Variants in UGT1A8 observed in about 807,000 individuals in gnomAD.
UGT1A8 encodes the protein UDP-glucuronosyltransferase 1A8.
Under a neutral mutation model 45.3 loss-of-function variants are expected in UGT1A8, and 39 were observed. The ratio of observed to expected loss-of-function variants is 0.86; its 90% CI spans 0.67 to 1.12. The LOEUF (loss-of-function observed/expected upper bound fraction) is 1.12. Ranked by LOEUF, UGT1A8 falls within the 50% of genes most tolerant of loss-of-function variation. The pLI, the probability that UGT1A8 is intolerant of heterozygous loss-of-function variation, is 0.00. For synonymous variants in UGT1A8, 275 were observed against 249.2 expected (o/e 1.10, Z -0.97); for missense variants, 719 against 664.9 (o/e 1.08, Z -0.90).
rs201696304 is a variant in UGT1A8, at chr2:233,618,183, A to G, written c.476A>G (p.Lys159Arg). The G allele has an allele frequency of 5.6e-6, 9 of 1,613,994 alleles. No homozygotes were observed. The East Asian group carries it at 6.7e-5, about 12-fold the overall frequency. ...GATGCCTGTGGCTTAATTGTTGCCA[A>G]ATATTTCTCCCTCCCCTCTGTGGTC... ...PFDACGLIVA[K>R]YFSLPSVVFA... The change falls in exon 1 of 5, where the codon AAA becomes AGA. Residue 159 changes from lysine to arginine, a missense_variant. Physicochemically the swap from Lys to Arg is conservative, Grantham distance 26 (BLOSUM62 2). Coordinates refer to ENST00000373450, the MANE Select transcript of UGT1A8 (RefSeq NM_019076.5).
At chr2:233,702,197 A>T (rs187320668) in intron 1 of UGT1A8, among the ~76,000 whole-genome samples, 21 of 152,306 alleles carry the variant, frequency 1.4e-4, no homozygotes, top group Admixed American at 4.6e-4. Flanking sequence ...AGCCCCTGGC[A>T]GCCATTAATC....
intron 1 of UGT1A8, among the ~76,000 whole-genome samples, chr2:233,651,799 G>A (rs1050125473): frequency 5.3e-5 from 8 of 152,182 alleles, no homozygotes; most frequent in South Asian, 2.1e-4. Flanking sequence ...GTGTCCACGC[G>A]TGTTTGTGTG....
chr2:233,618,624 C>G, intron 1 of UGT1A8, 62 bp downstream of exon 1: 1 of 1,539,066 alleles, frequency 6.5e-7, no homozygotes, highest in Non-Finnish European at 8.7e-7. Context: ...AAAAAAGATT[C>G]CTTACTGAAT....
At chr2:233,678,575 C>T (rs2074421993) in intron 1 of UGT1A8, among the ~76,000 whole-genome samples, 1 of 152,154 alleles carries the variant, frequency 6.6e-6, no homozygotes, top group Non-Finnish European at 1.5e-5. Context: ...AATCCTTCTT[C>T]CCCATTTGCT....
intron 1 of UGT1A8, among the ~76,000 whole-genome samples, chr2:233,744,344 C>A (rs1692781957): frequency 6.6e-6 from 1 of 151,846 alleles, no homozygotes; most frequent in African/African-American, 2.4e-5. Flanking sequence ...CTGACTGGGG[C>A]TGAAGACATC....
intron 1 of UGT1A8, chr2:233,754,742 G>A: frequency 1.4e-6 from 1 of 717,428 alleles, no homozygotes; most frequent in Non-Finnish European, 2.2e-6. Context: ...CGTAGGACAT[G>A]CAGAAGGAAG....
At position 233,764,014 on chromosome 2, in the gene UGT1A8, A is replaced by G. The variant is rs28900399; in HGVS notation, c.856-3020A>G. On this transcript the variant is annotated intron_variant, in intron 1 of 4. Transcript: ENST00000373450. ...GATGGTGAAGTCACAGATGACCCACATGGTGTCTAAGTGCTAAAGAAGAAT... is the reference window on the plus strand; with the variant it reads ...GATGGTGAAGTCACAGATGACCCACGTGGTGTCTAAGTGCTAAAGAAGAAT... Among the ~76,000 whole-genome samples the G allele has an allele frequency of 9.6e-3, 1,456 of 152,328 alleles. 29 individuals are homozygous for G. The highest frequency in any genetic ancestry group is 0.033 in the African/African-American group (1,365 of 41,562).
At chr2:233,640,980 C>G (rs912360814) in intron 1 of UGT1A8, among the ~76,000 whole-genome samples, 11 of 152,204 alleles carry the variant, frequency 7.2e-5, no homozygotes, top group African/African-American at 2.4e-4. Context: ...AGCCCTCCTG[C>G]AAAAATAACA....
intron 1 of UGT1A8, among the ~76,000 whole-genome samples, chr2:233,735,497 T>A (rs1029127614): frequency 3.9e-5 from 6 of 152,204 alleles, no homozygotes; most frequent in African/African-American, 1.4e-4. Flanking sequence ...ATTGCAGCAT[T>A]TAGCCCATTT....
intron 1 of UGT1A8, among the ~76,000 whole-genome samples, chr2:233,657,839 A>G (rs1199463773): frequency 1.3e-5 from 2 of 152,126 alleles, no homozygotes; most frequent in Non-Finnish European, 2.9e-5. Flanking sequence ...TTTTTAAGAA[A>G]TTGGGTTTTC....
At chr2:233,726,418 C>G (rs1368696095) in intron 1 of UGT1A8, among the ~76,000 whole-genome samples, 1 of 152,176 alleles carries the variant, frequency 6.6e-6, no homozygotes, top group African/African-American at 2.4e-5. Flanking sequence ...CATTCTGATT[C>G]TGTCCACTCT....
At chr2:233,647,880 T>C (rs1329467285) in intron 1 of UGT1A8, 4 of 1,465,596 alleles carry the variant, frequency 2.7e-6, no homozygotes, top group African/African-American at 2.8e-5. Context: ...TCCTATTTCA[T>C]TGATTTCTAC....
At chr2:233,767,405 A>G (rs1699388437) in intron 2 of UGT1A8, among the ~76,000 whole-genome samples, 1 of 152,206 alleles carries the variant, frequency 6.6e-6, no homozygotes, top group Admixed American at 6.5e-5. Flanking sequence ...ATTTTCTCTA[A>G]GAGACTCAAA....
intron 1 of UGT1A8, among the ~76,000 whole-genome samples, chr2:233,678,189 A>T (rs918890565): frequency 6.6e-6 from 1 of 152,206 alleles, no homozygotes; most frequent in African/African-American, 2.4e-5. Context: ...AGGCTGCAAG[A>T]GTTGAAAAAC....
chr2:233,744,059 G>A (rs1241791762), intron 1 of UGT1A8: 4 of 568,466 alleles, frequency 7.0e-6, no homozygotes, highest in Non-Finnish European at 1.1e-5. Context: ...ATTGGTCGAG[G>A]CCTATGAGCG....
At chr2:233,662,470 A>G (rs796684797) in intron 1 of UGT1A8, among the ~76,000 whole-genome samples, 3 of 152,334 alleles carry the variant, frequency 2.0e-5, no homozygotes, top group African/African-American at 7.2e-5. Flanking sequence ...TATAAATGAA[A>G]TTAACTTTTA....
At chr2:233,663,915 A>G (rs2074025044) in intron 1 of UGT1A8, among the ~76,000 whole-genome samples, 1 of 152,218 alleles carries the variant, frequency 6.6e-6, no homozygotes, top group African/African-American at 2.4e-5. Flanking sequence ...TACAAGTAGA[A>G]TGATATAACT....
At chr2:233,731,204 C>G (rs755932690) in intron 1 of UGT1A8, among the ~76,000 whole-genome samples, 2 of 151,184 alleles carry the variant, frequency 1.3e-5, no homozygotes, top group Non-Finnish European at 2.9e-5. Context: ...TTATAAAATA[C>G]GTGTTTATTT....
chr2:233,751,261 C>T (rs1694682107), intron 1 of UGT1A8, among the ~76,000 whole-genome samples: 1 of 151,890 alleles, frequency 6.6e-6, no homozygotes, highest in South Asian at 2.1e-4. Flanking sequence ...GGCCTGTAGC[C>T]CCCTTTTTTT....
Sources: allele counts gnomAD v4.1 joint callset (sites outside exome capture counted in the v4.1 genomes callset), GRCh38; gene constraint gnomAD v4.1.1; transcripts MANE v1.5; gene names NCBI Gene and HGNC (gene_info 2026-07-23, HGNC 2026-07-21).